ENOX2: variants seen among roughly 807,000 people sequenced by gnomAD.
ENOX2 encodes the protein APK1 antigen.
In ENOX2, 36 loss-of-function variants were observed where a neutral mutation model predicts 45.0. That is an observed-to-expected ratio of 0.80 (90% confidence interval 0.61 to 1.06). ENOX2 has a LOEUF of 1.06. Ranked by LOEUF, ENOX2 falls within the 50% of genes least tolerant of loss-of-function variation. The probability of loss-of-function intolerance (pLI) is 0.00; values close to 1 mark genes in which losing one functional copy is unlikely to be tolerated. For synonymous variants in ENOX2, 174 were observed against 152.3 expected (o/e 1.14, Z -1.05); for missense variants, 423 against 462.5 (o/e 0.91, Z 0.78).
rs750613108 is a variant in ENOX2, at chrX:130,692,415, A to G, written c.98-3397T>C. Among the ~76,000 whole-genome samples, 6 of 112,856 alleles carry G rather than the reference A, an allele frequency of 5.3e-5. No individual in the cohort carries two copies. In the East Asian group the frequency reaches 1.7e-3, roughly 31 times the overall value. The stretch of plus-strand genomic sequence containing the variant: ...AGATTTGAAATCATATAAAAGAGTT[A>G]TGGAAAAGGCCAAGATACTCCTCCA... On this transcript the variant is annotated intron_variant, in intron 4 of 14. Transcript: ENST00000394363.
intron 2 of ENOX2, among the ~76,000 whole-genome samples, chrX:130,891,285 T>C (rs1034048174): frequency 9.1e-6 from 1 of 109,833 alleles, no homozygotes; most frequent in Non-Finnish European, 1.9e-5. Flanking sequence ...CCTAATATAC[T>C]TTTTCAGAAT....
chrX:130,772,438 C>T (rs1041496636), intron 3 of ENOX2, among the ~76,000 whole-genome samples: 4 of 111,372 alleles, frequency 3.6e-5, no homozygotes, highest in African/African-American at 1.3e-4. Flanking sequence ...GCCAGCAGAA[C>T]CACTGTATTT....
In ENOX2 at chrX:130,703,180, T is replaced by C. The variant is rs918289047; in HGVS notation, c.37A>G (p.Thr13Ala). Residue 13 changes from threonine (T) to alanine (A), a missense_variant, in exon 4 of 15, where the codon ACA becomes GCA. Physicochemically the swap from Thr to Ala is moderately conservative, Grantham distance 58. This residue lies in a region of ENOX2 where 261 missense variants were observed against 306.8 expected (regional missense o/e 0.85). Transcript: ENST00000394363. ...GCCATTCCAAGATTATTCATTGCTG[T>C]GGCCCATGCAGTTGGATCAGACATA... Reference protein sequence around the residue: ...LPMSDPTAWATAMNNLGMAPL... With the variant: ...LPMSDPTAWAAAMNNLGMAPL... The C allele has an allele frequency of 1.7e-6, 2 of 1,208,877 alleles. No homozygotes were observed. The highest frequency in any genetic ancestry group is 2.2e-6 in the Non-Finnish European group (2 of 892,954).
At chrX:130,730,161 C>T (rs756457067) in intron 3 of ENOX2, among the ~76,000 whole-genome samples, 1 of 112,136 alleles carries the variant, frequency 8.9e-6, no homozygotes, top group African/African-American at 3.2e-5. Context: ...CACATATACG[C>T]ACATGTATAT....
intron 3 of ENOX2, among the ~76,000 whole-genome samples, chrX:130,733,257 T>C (rs1184055163): frequency 2.7e-5 from 3 of 110,822 alleles, no homozygotes; most frequent in Non-Finnish European, 3.8e-5. Flanking sequence ...AAATGGCCAA[T>C]AGCTATGTGA....
chrX:130,847,609 AAAG>A (rs1274274865), intron 2 of ENOX2, among the ~76,000 whole-genome samples: 1 of 112,246 alleles, frequency 8.9e-6, no homozygotes, highest in Non-Finnish European at 1.9e-5. Context: ...CACATATCAT[AAAG>A]AAGAATCTAT....
chrX:130,630,248 A>C (rs2035659265), intron 13 of ENOX2, among the ~76,000 whole-genome samples: 1 of 111,229 alleles, frequency 9.0e-6, no homozygotes, highest in African/African-American at 3.3e-5. Flanking sequence ...TGATATAATA[A>C]AAAAATTAAC....
At chrX:130,853,282 G>C (rs895513717) in intron 2 of ENOX2, among the ~76,000 whole-genome samples, 4 of 108,349 alleles carry the variant, frequency 3.7e-5, no homozygotes, top group African/African-American at 1.3e-4. Context: ...TGAGACCAAG[G>C]TGAAACCCCG....
At chrX:130,733,607 T>C (rs2038790609) in intron 3 of ENOX2, among the ~76,000 whole-genome samples, 1 of 112,508 alleles carries the variant, frequency 8.9e-6, no homozygotes, top group Non-Finnish European at 1.9e-5. Flanking sequence ...AGCCCTACAA[T>C]GGAATACTCA....
At chrX:130,809,166 C>T (rs1275476681) in intron 2 of ENOX2, among the ~76,000 whole-genome samples, 1 of 112,297 alleles carries the variant, frequency 8.9e-6, no homozygotes, top group African/African-American at 3.2e-5. Context: ...TACTGCTTTA[C>T]TTACCTGAAG....
chrX:130,771,067 T>G (rs1045430201), intron 3 of ENOX2, among the ~76,000 whole-genome samples: 1 of 111,641 alleles, frequency 9.0e-6, no homozygotes, highest in Non-Finnish European at 1.9e-5. Context: ...CAGCAGGCAC[T>G]TATTAAAAAG....
chrX:130,765,995 A>G (rs752735527), intron 3 of ENOX2, among the ~76,000 whole-genome samples: 13 of 111,321 alleles, frequency 1.2e-4, no homozygotes, highest in Non-Finnish European at 2.3e-4. Context: ...AATTCTCTAA[A>G]AGATAGTATA....
chrX:130,741,203 T>C (rs1171814510), intron 3 of ENOX2, among the ~76,000 whole-genome samples: 2 of 111,809 alleles, frequency 1.8e-5, no homozygotes, highest in Admixed American at 1.9e-4. Flanking sequence ...TAGGAGATGA[T>C]GTTGAACAAG....
chrX:130,780,918 A>C (rs1049860757), intron 3 of ENOX2, among the ~76,000 whole-genome samples: 10 of 111,199 alleles, frequency 9.0e-5, no homozygotes, highest in Non-Finnish European at 1.9e-4. Context: ...TTGGAAATGA[A>C]ATGGTCGGTA....
intron 2 of ENOX2, among the ~76,000 whole-genome samples, chrX:130,878,824 T>C (rs2078753283): frequency 8.9e-6 from 1 of 112,419 alleles, no homozygotes. Flanking sequence ...TACTATCCCC[T>C]GTCACTTGTA....
chrX:130,685,537 A>G (rs912593671), intron 5 of ENOX2, among the ~76,000 whole-genome samples: 3 of 112,400 alleles, frequency 2.7e-5, no homozygotes, highest in African/African-American at 9.7e-5. Flanking sequence ...AGCAGTGGTT[A>G]TTGTGAATAT....
At chrX:130,812,685 T>G (rs1322711058) in intron 2 of ENOX2, among the ~76,000 whole-genome samples, 1 of 112,299 alleles carries the variant, frequency 8.9e-6, no homozygotes, top group Non-Finnish European at 1.9e-5. Flanking sequence ...AGATATCCCA[T>G]GTTTGTGGAT....
At chrX:130,665,432 TC>T (rs1340905673) in intron 9 of ENOX2, among the ~76,000 whole-genome samples, 1 of 112,254 alleles carries the variant, frequency 8.9e-6, no homozygotes, top group Non-Finnish European at 1.9e-5. Flanking sequence ...CAGAATGCAT[TC>T]ACCACAGCAC....
intron 2 of ENOX2, among the ~76,000 whole-genome samples, chrX:130,804,763 A>C (rs1344796941): frequency 1.8e-5 from 2 of 111,452 alleles, no homozygotes; most frequent in Non-Finnish European, 3.8e-5. Context: ...TCTCAACTCA[A>C]TTTTCTGAAT....
Sources: gnomAD v4.1 joint callset for allele counts (sites outside exome capture counted in the v4.1 genomes callset) on GRCh38, gnomAD v4.1.1 for gene constraint, gnomAD v4.1.1 regional missense constraint, MANE v1.5 for transcripts, NCBI Gene and HGNC (gene_info 2026-07-23, HGNC 2026-07-21) for gene names.